The following ARHGAP12 variants were observed in gnomAD, a reference collection of about 807,000 sequenced individuals.
ARHGAP12 encodes the protein Rho GTPase activating protein 12, also known as rho GTPase-activating protein 12.
A neutral mutation model predicts 108.6 loss-of-function variants in ARHGAP12; 64 were observed. The observed-to-expected ratio is 0.59, with a 90% CI of 0.48 to 0.73. ARHGAP12 has a LOEUF of 0.73. Ranked by LOEUF, ARHGAP12 falls within the 30% of genes least tolerant of loss-of-function variation. ARHGAP12 has a pLI of 0.00. For synonymous variants in ARHGAP12, 312 were observed against 337.2 expected (o/e 0.93, Z 0.82); for missense variants, 940 against 1,005.9 (o/e 0.93, Z 0.89).
At chr10:31,824,349 A>G (rs1452324153) in intron 11 of ARHGAP12, among the ~76,000 whole-genome samples, 3 of 152,192 alleles carry the variant, frequency 2.0e-5, no homozygotes, top group Non-Finnish European at 2.9e-5. Context: ...CAATAGTAAT[A>G]AGATGTCATT....
chr10:31,902,090 A>T (rs1323684110), intron 3 of ARHGAP12, among the ~76,000 whole-genome samples: 1 of 152,194 alleles, frequency 6.6e-6, no homozygotes, highest in Non-Finnish European at 1.5e-5. Context: ...CAATTCTGAA[A>T]AAGAAGAATA....
chr10:31,869,440 G>T (rs902918667), intron 3 of ARHGAP12, among the ~76,000 whole-genome samples: 1 of 152,084 alleles, frequency 6.6e-6, no homozygotes, highest in Admixed American at 6.6e-5. Flanking sequence ...GGGAGGCTGA[G>T]GCAGGAGAAT....
intron 4 of ARHGAP12, among the ~76,000 whole-genome samples, chr10:31,855,379 G>C (rs183030265): frequency 1.5e-3 from 232 of 152,254 alleles, no homozygotes; most frequent in African/African-American, 5.4e-3. Flanking sequence ...ATCACCTCTA[G>C]ATAAAATAGT....
At position 31,839,291 on chromosome 10, in the gene ARHGAP12, G is replaced by C. The variant is rs748150740; in HGVS notation, c.1386+14C>G. On this transcript the variant is annotated intron_variant, in intron 9 of 19. Coordinates refer to ENST00000344936, the MANE Select transcript of ARHGAP12 (RefSeq NM_018287.7). ...GTGTCTATGCCTATTAAGAAGGAGA[G>C]GATTGCTTCTTACCTTTGGACTGCT... 5 of 1,606,556 alleles carry C rather than the reference G, an allele frequency of 3.1e-6. No homozygotes were observed. Among genetic ancestry groups the C allele is most frequent in the Non-Finnish European group, 4.3e-6 (5 of 1,174,918 alleles).
intron 13 of ARHGAP12, among the ~76,000 whole-genome samples, chr10:31,814,623 C>G (rs562574545): frequency 4.6e-5 from 7 of 152,186 alleles, no homozygotes; most frequent in African/African-American, 1.7e-4. Context: ...ATGAGGCTAT[C>G]TTGCCTCATT....
intron 3 of ARHGAP12, among the ~76,000 whole-genome samples, chr10:31,901,826 A>G (rs1470541935): frequency 6.6e-6 from 1 of 151,588 alleles, no homozygotes; most frequent in East Asian, 1.9e-4. Flanking sequence ...TGGTCACATC[A>G]CTCCTATCTT....
At chr10:31,853,145 C>A (rs1836762894) in intron 5 of ARHGAP12, among the ~76,000 whole-genome samples, 1 of 152,198 alleles carries the variant, frequency 6.6e-6, no homozygotes. Flanking sequence ...CAATGTCTGG[C>A]TAGCTGCTCA....
At chr10:31,823,464 T>C (rs1352309108) in intron 11 of ARHGAP12, among the ~76,000 whole-genome samples, 1 of 149,106 alleles carries the variant, frequency 6.7e-6, no homozygotes, top group Non-Finnish European at 1.5e-5. Flanking sequence ...ATTTTAACCA[T>C]CCACTCTCTG....
chr10:31,900,645 A>G (rs1254359802), intron 3 of ARHGAP12, among the ~76,000 whole-genome samples: 1 of 152,240 alleles, frequency 6.6e-6, no homozygotes, highest in Non-Finnish European at 1.5e-5. Context: ...TCTAGAATAG[A>G]CAAAACTACA....
At chr10:31,855,393 G>A (rs1407671162) in intron 4 of ARHGAP12, among the ~76,000 whole-genome samples, 3 of 152,086 alleles carry the variant, frequency 2.0e-5, no homozygotes, top group Non-Finnish European at 2.9e-5. Flanking sequence ...AAATAGTTTC[G>A]GCAAGTAAAA....
At chr10:31,852,732 T>C in intron 5 of ARHGAP12, 135 bp from the exon 6 acceptor site, 2 of 65,796 alleles carry the variant, frequency 3.0e-5, no homozygotes, top group South Asian at 4.3e-4. Context: ...AAAAATTCTT[T>C]TTTTTTTTTT....
intron 15 of ARHGAP12, 116 bp from the exon 16 acceptor site, chr10:31,810,863 G>A: frequency 1.3e-6 from 1 of 742,322 alleles, no homozygotes; most frequent in Non-Finnish European, 2.3e-6. Flanking sequence ...TGTTTAACAT[G>A]GCCCTATGCC....
intron 9 of ARHGAP12, among the ~76,000 whole-genome samples, chr10:31,836,900 C>T (rs1034457256): frequency 1.3e-5 from 2 of 152,052 alleles, no homozygotes; most frequent in Admixed American, 6.6e-5. Flanking sequence ...AACAGAACCA[C>T]CTCTGGTAGA....
intron 3 of ARHGAP12, among the ~76,000 whole-genome samples, chr10:31,880,178 CTTCT>C (rs780289019): frequency 4.6e-5 from 7 of 152,070 alleles, no homozygotes; most frequent in South Asian, 2.1e-4. Context: ...CAGTTTTTGC[CTTCT>C]TTATTTTGTT....
intron 3 of ARHGAP12, among the ~76,000 whole-genome samples, chr10:31,886,447 A>T (rs1838193093): frequency 6.6e-6 from 1 of 152,172 alleles, no homozygotes. Context: ...TTGGCCTTTA[A>T]ATATAACACC....
chr10:31,871,652 T>A (rs997308060), intron 3 of ARHGAP12, among the ~76,000 whole-genome samples: 9 of 152,206 alleles, frequency 5.9e-5, no homozygotes, highest in Non-Finnish European at 1.0e-4. Context: ...ACTGATGAAG[T>A]CATCTCTCTG....
intron 13 of ARHGAP12, among the ~76,000 whole-genome samples, chr10:31,816,957 C>G (rs1835225804): frequency 6.6e-6 from 1 of 152,114 alleles, no homozygotes; most frequent in Non-Finnish European, 1.5e-5. Context: ...TATTTCCTAT[C>G]AGTAGTATCT....
rs1834839073 is a variant in ARHGAP12, at chr10:31,806,869, C to T, written c.*789G>A. The T allele has an allele frequency of 6.6e-6, 1 of 152,314 alleles. No individual in the cohort carries two copies. The highest frequency in any genetic ancestry group is 2.4e-5 in the African/African-American group (1 of 41,392). 9.4% of individuals were successfully genotyped at this position (152,314 alleles called of 1,614,324 possible). A position where few individuals can be genotyped will look rare whatever the true frequency, so the allele number is the denominator to read the frequency against. ...AAGCTAAAGGACATTAAGTCTTTAGCCTATATTTACATAAAATAATGTGTG... is the reference window on the plus strand; with the variant it reads ...AAGCTAAAGGACATTAAGTCTTTAGTCTATATTTACATAAAATAATGTGTG... On this transcript the variant is annotated 3_prime_UTR_variant, in exon 20 of 20. Coordinates refer to ENST00000344936, the MANE Select transcript of ARHGAP12 (RefSeq NM_018287.7).
At chr10:31,903,763 TAA>T (rs59513872) in intron 3 of ARHGAP12, among the ~76,000 whole-genome samples, 1 of 150,796 alleles carries the variant, frequency 6.6e-6, no homozygotes, top group African/African-American at 2.4e-5. Context: ...AATTCAACAG[TAA>T]AAAAAACCAA....
Sources: gnomAD v4.1 joint callset for allele counts (sites outside exome capture counted in the v4.1 genomes callset) on GRCh38, gnomAD v4.1.1 for gene constraint, MANE v1.5 for transcripts, NCBI Gene and HGNC (gene_info 2026-07-23, HGNC 2026-07-21) for gene names.